Variants in KLF9 observed in about 807,000 individuals in gnomAD.
KLF9 encodes the protein KLF transcription factor 9.
KLF9 carries 2 observed loss-of-function variants against 17.3 expected under a neutral mutation model. The ratio of observed to expected loss-of-function variants is 0.12; its 90% CI spans 0.05 to 0.36. The LOEUF (loss-of-function observed/expected upper bound fraction) is 0.36, where lower values mean the gene tolerates loss of function less well. KLF9 is among the 10% of genes least tolerant of loss of function. The pLI is 1.00. For missense variants in KLF9, 226 were observed against 333.2 expected (o/e 0.68, Z 2.51); for synonymous variants, 138 against 139.2 (o/e 0.99, Z 0.06).
intron 1 of KLF9, among the ~76,000 whole-genome samples, chr9:70,394,997 A>G (rs10780928): frequency 0.51 from 77,048 of 152,074 alleles, 20,160 homozygotes; most frequent in African/African-American, 0.63. Flanking sequence ...TTCATTTGGA[A>G]GAATAAACAT....
intron 1 of KLF9, among the ~76,000 whole-genome samples, chr9:70,407,961 C>T (rs1304486912): frequency 2.0e-5 from 3 of 152,126 alleles, no homozygotes; most frequent in African/African-American, 4.8e-5. Flanking sequence ...GTATCATCTC[C>T]CAGGGGGCAA....
At position 70,385,939 on chromosome 9, in the gene KLF9, T is replaced by G. The variant is rs1160272583; in HGVS notation, c.*1837A>C. ...GAACTACTAATACAACTACGTTGGT[T>G]AAACAAAAAAACACTGTGCTAGTGA... On this transcript the variant is annotated 3_prime_UTR_variant, in exon 2 of 2. Coordinates refer to ENST00000377126, the MANE Select transcript of KLF9 (RefSeq NM_001206.4). The G allele has an allele frequency of 6.6e-6, 1 of 152,214 alleles. No individual in the cohort carries two copies. Among genetic ancestry groups the G allele is most frequent in the Non-Finnish European group, 1.5e-5 (1 of 68,032 alleles). The allele number at this position is 152,214 out of a possible 1,614,324, so 9.4% of individuals were successfully genotyped here.
intron 1 of KLF9, among the ~76,000 whole-genome samples, chr9:70,404,186 C>A (rs2037241792): frequency 6.6e-6 from 1 of 152,160 alleles, no homozygotes; most frequent in Non-Finnish European, 1.5e-5. Flanking sequence ...AGCTTGGAAC[C>A]TGACATATAA....
At chr9:70,391,802 T>C (rs905772790) in intron 1 of KLF9, among the ~76,000 whole-genome samples, 3 of 152,184 alleles carry the variant, frequency 2.0e-5, no homozygotes, top group African/African-American at 4.8e-5. Flanking sequence ...TGAAAAAAAT[T>C]AAAAGAATAT....
chr9:70,412,723 T>C (rs2037333291), intron 1 of KLF9, 136 bp downstream of exon 1: 2 of 841,670 alleles, frequency 2.4e-6, no homozygotes, highest in Non-Finnish European at 3.7e-6. Flanking sequence ...TTAAATTATT[T>C]AAAGAGTTAA....
At chr9:70,406,188 G>T (rs920093489) in intron 1 of KLF9, among the ~76,000 whole-genome samples, 1 of 152,208 alleles carries the variant, frequency 6.6e-6, no homozygotes, top group Admixed American at 6.5e-5. Context: ...CTAGGCACCC[G>T]CAGAGCCAAG....
At chr9:70,406,986 T>C (rs2037260530) in intron 1 of KLF9, among the ~76,000 whole-genome samples, 1 of 150,238 alleles carries the variant, frequency 6.7e-6, no homozygotes, top group Non-Finnish European at 1.5e-5. Context: ...AGAATGCTAA[T>C]GATCATAAGG....
Position 70,387,954 on chromosome 9 carries a change from C to T in KLF9, c.557G>A (p.Arg186His). The T allele has an allele frequency of 6.2e-7, 1 of 1,613,524 alleles. No individual in the cohort carries two copies. The highest frequency in any genetic ancestry group is 8.5e-7 in the Non-Finnish European group (1 of 1,179,892). The change falls in exon 2 of 2, where the codon CGC (arginine) becomes CAC (histidine). Residue 186 changes from arginine to histidine, a missense_variant. By Grantham distance (29) the Arg-to-His change is conservative (BLOSUM62 0). Coordinates refer to ENST00000377126, the MANE Select transcript of KLF9 (RefSeq NM_001206.4). ...GTAGTGGCGGGTCAGCTCGTCTGAG[C>T]GGGAGAACTTTTTAAGGCAGTCTGG... ...TWPDCLKKFS[R>H]SDELTRHYRT...
intron 1 of KLF9, among the ~76,000 whole-genome samples, chr9:70,398,002 T>C (rs1023460908): frequency 1.3e-5 from 2 of 152,246 alleles, no homozygotes; most frequent in African/African-American, 4.8e-5. Context: ...ATCATTTCAA[T>C]GAACACTGAA....
intron 1 of KLF9, among the ~76,000 whole-genome samples, chr9:70,412,100 A>G (rs1312426678): frequency 6.9e-6 from 1 of 144,498 alleles, no homozygotes; most frequent in Non-Finnish European, 1.5e-5. Context: ...CCCAACATTC[A>G]TTACCAAGCC....
At position 70,385,731 on chromosome 9, in the gene KLF9, T is replaced by G. The variant is rs1343464963; in HGVS notation, c.*2045A>C. 1 of 152,620 alleles carries G rather than the reference T, an allele frequency of 6.6e-6. No homozygotes were observed. Among genetic ancestry groups the G allele is most frequent in the Non-Finnish European group, 1.5e-5 (1 of 68,040 alleles). 9.5% of individuals were successfully genotyped at this position (152,620 alleles called of 1,614,324 possible). A position where few individuals can be genotyped will look rare whatever the true frequency, so the allele number is the denominator to read the frequency against. ...CCTATTTCGTATGGAAGAACAGATG[T>G]CCTTAAAACTTATTTTGGACACAGA... On this transcript the variant is annotated 3_prime_UTR_variant, in exon 2 of 2. Transcript: ENST00000377126.
chr9:70,394,247 A>T (rs2037168832), intron 1 of KLF9, among the ~76,000 whole-genome samples: 1 of 151,876 alleles, frequency 6.6e-6, no homozygotes, highest in Non-Finnish European at 1.5e-5. Context: ...TAAAAAGGAC[A>T]ATTTGATATT....
intron 1 of KLF9, among the ~76,000 whole-genome samples, chr9:70,396,755 T>A (rs2037184144): frequency 6.6e-6 from 1 of 152,232 alleles, no homozygotes; most frequent in African/African-American, 2.4e-5. Context: ...GTTTTCTGAT[T>A]TTTTAAACAG....
chr9:70,398,741 C>T (rs1237429121), intron 1 of KLF9, among the ~76,000 whole-genome samples: 2 of 152,174 alleles, frequency 1.3e-5, no homozygotes, highest in Non-Finnish European at 2.9e-5. Flanking sequence ...ATCTTCCTGC[C>T]TTGGCCTCCC....
In KLF9 at chr9:70,387,473, G is replaced by GA. The variant is rs528347297; in HGVS notation, c.*302dup. On this transcript the variant is annotated 3_prime_UTR_variant, in exon 2 of 2. Transcript: ENST00000377126. ...CCTCCCCCGCAAAAAAATAAAAGGAGAAAAAAAAACAAAAACAAAAACCAA... is the reference window on the plus strand; with the variant it reads ...CCTCCCCCGCAAAAAAATAAAAGGAGAAAAAAAAAACAAAAACAAAAACCAA... 1.4e-3 allele frequency: 159 copies of GA among 111,940 alleles called. No homozygotes were observed. Among genetic ancestry groups the GA allele is most frequent in the South Asian group, 2.0e-3 (7 of 3,464 alleles). 6.9% of individuals were successfully genotyped at this position (111,940 alleles called of 1,614,324 possible).
chr9:70,412,056 T>A (rs1809202479), intron 1 of KLF9, among the ~76,000 whole-genome samples: 1 of 151,996 alleles, frequency 6.6e-6, no homozygotes, highest in African/African-American at 2.4e-5. Flanking sequence ...TCACCCTCCC[T>A]GGGAGGAACT....
At chr9:70,398,548 G>A (rs546499168) in intron 1 of KLF9, among the ~76,000 whole-genome samples, 1 of 151,620 alleles carries the variant, frequency 6.6e-6, no homozygotes, top group South Asian at 2.1e-4. Context: ...GAGTGCAGTG[G>A]CACGATCTCG....
At chr9:70,396,062 C>G (rs1255679751) in intron 1 of KLF9, among the ~76,000 whole-genome samples, 1 of 152,076 alleles carries the variant, frequency 6.6e-6, no homozygotes, top group Non-Finnish European at 1.5e-5. Flanking sequence ...AATTAAGACA[C>G]CAGCAAGATA....
In KLF9 at chr9:70,413,131, G is replaced by T. The variant is rs370455923; in HGVS notation, c.233C>A (p.Thr78Asn). Reference protein sequence around the residue: ...LDLNKYRPIQTPSVCSDSLES... With the variant: ...LDLNKYRPIQNPSVCSDSLES... Reference sequence around the variant, plus strand: ...CAGACTGTCGCTGCACACGGAGGGGGTCTGGATGGGTCGGTACTTGTTCAG... The same window carrying T: ...CAGACTGTCGCTGCACACGGAGGGGTTCTGGATGGGTCGGTACTTGTTCAG... Residue 78 changes from threonine to asparagine, a missense_variant, in exon 1 of 2, where the codon ACC (threonine) becomes AAC (asparagine). Physicochemically the swap from Thr to Asn is moderately conservative, Grantham distance 65. Transcript: ENST00000377126. The surrounding 1 kb of genome is among the most constrained non-coding windows in gnomAD (Gnocchi z 5.6). The T allele has an allele frequency of 1.2e-6, 2 of 1,614,198 alleles. No individual in the cohort carries two copies. Among genetic ancestry groups the T allele is most frequent in the Non-Finnish European group, 1.7e-6 (2 of 1,180,038 alleles).
Sources: allele counts gnomAD v4.1 joint callset (sites outside exome capture counted in the v4.1 genomes callset), GRCh38; gene constraint gnomAD v4.1.1; non-coding constraint Gnocchi (gnomAD v3.1); transcripts MANE v1.5; gene names NCBI Gene and HGNC (gene_info 2026-07-23, HGNC 2026-07-21).